PBX4: variants seen among roughly 807,000 people sequenced by gnomAD.
PBX4 encodes the protein pre-B-cell leukemia transcription factor 4.
PBX4 carries 26 observed loss-of-function variants against 35.1 expected under a neutral mutation model. That is an observed-to-expected ratio of 0.74 (90% CI 0.54 to 1.03). PBX4 has a LOEUF of 1.03. Among genes scored for constraint, PBX4 ranks in the 50% least tolerant of loss-of-function variants. The pLI is 0.00. For missense variants in PBX4, 448 were observed against 504.3 expected, an observed-to-expected ratio of 0.89 and a Z score of 1.07; for synonymous variants, 199 against 204.2, an observed-to-expected ratio of 0.97 and a Z score of 0.22.
intron 1 of PBX4, among the ~76,000 whole-genome samples, chr19:19,605,452 T>TAATAAC (rs1555740401): frequency 7.7e-6 from 1 of 130,156 alleles, no homozygotes; most frequent in Non-Finnish European, 1.7e-5. Flanking sequence ...ATAATAACAA[T>TAATAAC]AATAATAATA....
At chr19:19,574,628 CT>C (rs1303862232) in intron 2 of PBX4, among the ~76,000 whole-genome samples, 2 of 149,914 alleles carry the variant, frequency 1.3e-5, no homozygotes, top group Admixed American at 6.7e-5. Flanking sequence ...CCCAATTTTC[CT>C]TTTTTTTTCC....
At chr19:19,600,547 A>G (rs2061590854) in intron 1 of PBX4, among the ~76,000 whole-genome samples, 1 of 151,738 alleles carries the variant, frequency 6.6e-6, no homozygotes, top group African/African-American at 2.4e-5. Context: ...GGCCAGAGGC[A>G]GTGGCTCATG....
intron 1 of PBX4, among the ~76,000 whole-genome samples, chr19:19,613,206 C>G (rs1033656026): frequency 1.3e-5 from 2 of 151,428 alleles, no homozygotes; most frequent in African/African-American, 4.8e-5. Flanking sequence ...TGGTTTATGC[C>G]TGTAATCCCA....
At chr19:19,583,170 T>C (rs1475534977) in intron 2 of PBX4, among the ~76,000 whole-genome samples, 1 of 151,962 alleles carries the variant, frequency 6.6e-6, no homozygotes, top group Non-Finnish European at 1.5e-5. Context: ...TCCCAGCTAC[T>C]TGGGAGGCTG....
rs929462455 is a variant in PBX4, at chr19:19,562,548, G to C, written c.1033-431C>G. Among the ~76,000 whole-genome samples, 1 of 152,148 alleles carries C rather than the reference G, an allele frequency of 6.6e-6. No homozygotes were observed. Among genetic ancestry groups the C allele is most frequent in the Non-Finnish European group, 1.5e-5 (1 of 68,026 alleles). On this transcript the variant is annotated intron_variant, in intron 7 of 7. Transcript: ENST00000251203. This position sits in a 1 kb window ranked among gnomAD's most constrained non-coding sequence, Gnocchi z 4.8. Reference sequence around the variant, plus strand: ...GGCCTGGCTGGGCAGCAAGGAGGGTGGGAGGCAACCACTTGTCATAAGGGG... The same window carrying C: ...GGCCTGGCTGGGCAGCAAGGAGGGTCGGAGGCAACCACTTGTCATAAGGGG...
At chr19:19,569,929 T>A (rs8108659) in intron 4 of PBX4, among the ~76,000 whole-genome samples, 180 bp downstream of exon 4, 129,746 of 152,166 alleles carry the variant, frequency 0.85, 55,692 homozygotes, top group East Asian at 1. Flanking sequence ...AATAAATAAA[T>A]ACAAAATAAA....
rs761382733 is a variant in PBX4 at position 19,570,809 on chromosome 19, T to C, written c.218A>G (p.Asp73Gly). 1.9e-6 allele frequency: 3 copies of C among 1,613,934 alleles called. No homozygotes were observed. The highest frequency in any genetic ancestry group is 8.5e-7 in the Non-Finnish European group (1 of 1,180,036). Reference protein sequence around the residue: ...KTVVSIRGIQDEDPPDAQLLR... With the variant: ...KTVVSIRGIQGEDPPDAQLLR... ...GAGCTGGGCGTCAGGGGGATCTTCG[T>C]CTTGAATGCCACGGATGCTTACCAC... Residue 73 changes from aspartate to glycine, a missense_variant, in exon 3 of 8, where the codon GAC becomes GGC. Transcript: ENST00000251203.
chr19:19,609,599 C>CCAG (rs2061651766), intron 1 of PBX4, among the ~76,000 whole-genome samples: 3 of 150,744 alleles, frequency 2.0e-5, no homozygotes, highest in Admixed American at 6.7e-5. Context: ...GCCTGTAATC[C>CCAG]CAGCACTTTG....
intron 4 of PBX4, 57 bp from the exon 5 acceptor site, chr19:19,569,641 C>A (rs1240335538): frequency 6.3e-7 from 1 of 1,584,502 alleles, no homozygotes; most frequent in Non-Finnish European, 8.6e-7. Flanking sequence ...GTACCACCCC[C>A]ACCTCTAGTT....
chr19:19,573,575 C>T (rs1278856392), intron 2 of PBX4, among the ~76,000 whole-genome samples: 1 of 152,032 alleles, frequency 6.6e-6, no homozygotes, highest in Non-Finnish European at 1.5e-5. Context: ...ATGTCCATGG[C>T]ACAAATTAGT....
intron 2 of PBX4, among the ~76,000 whole-genome samples, chr19:19,580,519 C>G (rs1261619213): frequency 6.6e-6 from 1 of 152,150 alleles, no homozygotes; most frequent in Non-Finnish European, 1.5e-5. Context: ...CTTTCCTGTT[C>G]CAGTTTTCAG....
chr19:19,603,578 C>A (rs997905039), intron 1 of PBX4, among the ~76,000 whole-genome samples: 1 of 152,138 alleles, frequency 6.6e-6, no homozygotes, highest in African/African-American at 2.4e-5. Flanking sequence ...AGCCTGTTGT[C>A]TTTGACTGTT....
At chr19:19,604,139 G>C (rs564594246) in intron 1 of PBX4, among the ~76,000 whole-genome samples, 1 of 152,156 alleles carries the variant, frequency 6.6e-6, no homozygotes, top group South Asian at 2.1e-4. Context: ...TAATGTATCT[G>C]AAAATCAATA....
intron 2 of PBX4, among the ~76,000 whole-genome samples, chr19:19,582,971 C>A (rs533451800): frequency 6.6e-6 from 1 of 152,226 alleles, no homozygotes; most frequent in Non-Finnish European, 1.5e-5. Context: ...CTGTTTCACC[C>A]GGGCTCCGGG....
chr19:19,616,997 A>G (rs1033613777), intron 1 of PBX4, among the ~76,000 whole-genome samples: 1 of 150,618 alleles, frequency 6.6e-6, no homozygotes, highest in African/African-American at 2.4e-5. Flanking sequence ...CTTCCTTTAA[A>G]CTCAACTCTT....
chr19:19,565,287 G>A (rs2061334968), intron 5 of PBX4, among the ~76,000 whole-genome samples, 198 bp from the exon 6 acceptor site: 1 of 152,190 alleles, frequency 6.6e-6, no homozygotes, highest in Admixed American at 6.5e-5. Flanking sequence ...CATGGGTTGA[G>A]GACACCCTGG....
At chr19:19,603,689 G>A (rs1436394024) in intron 1 of PBX4, among the ~76,000 whole-genome samples, 1 of 152,202 alleles carries the variant, frequency 6.6e-6, no homozygotes, top group Non-Finnish European at 1.5e-5. Flanking sequence ...AGGCGCAGTG[G>A]CTCACGCCTG....
chr19:19,576,607 A>C (rs2061421015), intron 2 of PBX4, among the ~76,000 whole-genome samples: 1 of 152,040 alleles, frequency 6.6e-6, no homozygotes, highest in South Asian at 2.1e-4. Context: ...TACCACACTA[A>C]GTGTTGAGGA....
At chr19:19,607,201 A>C (rs2061636777) in intron 1 of PBX4, among the ~76,000 whole-genome samples, 1 of 151,940 alleles carries the variant, frequency 6.6e-6, no homozygotes, top group Non-Finnish European at 1.5e-5. Flanking sequence ...TTACAGGTAT[A>C]CGCCACCACT....
Sources: allele counts gnomAD v4.1 joint callset (sites outside exome capture counted in the v4.1 genomes callset), GRCh38; gene constraint gnomAD v4.1.1; non-coding constraint Gnocchi (gnomAD v3.1); transcripts MANE v1.5; gene names NCBI Gene and HGNC (gene_info 2026-07-23, HGNC 2026-07-21).